CLIC1: variants seen among roughly 807,000 people sequenced by gnomAD.
CLIC1 encodes CLIC family member 1.
A neutral mutation model predicts 26.4 loss-of-function variants in CLIC1; 16 were observed. That is an observed-to-expected ratio of 0.61 (90% confidence interval 0.41 to 0.92). CLIC1 has a LOEUF of 0.92. Ranked by LOEUF, CLIC1 falls within the 40% of genes least tolerant of loss-of-function variation. CLIC1 has a pLI of 0.00. For synonymous variants in CLIC1, 98 were observed against 120.8 expected (o/e 0.81, Z 1.24); for missense variants, 225 against 289.7 (o/e 0.78, Z 1.62).
rs1172401937 is a variant in CLIC1 at position 31,732,581 on chromosome 6, C to T, written c.383-183G>A. Among the ~76,000 whole-genome samples the T allele has an allele frequency of 1.3e-5, 2 of 151,974 alleles. No individual in the cohort carries two copies. Among genetic ancestry groups the T allele is most frequent in the Admixed American group, 6.5e-5 (1 of 15,268 alleles). ...TTTTATGTTAGACGGAGTCTTGCTCCGTTGCCCAGGCTGGAGTGCAGTGGC... is the reference window on the plus strand; with the variant it reads ...TTTTATGTTAGACGGAGTCTTGCTCTGTTGCCCAGGCTGGAGTGCAGTGGC... On this transcript the variant is annotated intron_variant, in intron 4 of 5. Transcript: ENST00000375784. The surrounding 1 kb of genome is among the most constrained non-coding windows in gnomAD (Gnocchi z 5.0).
chr6:31,732,493 T>C lies in CLIC1; in HGVS notation c.383-95A>G. ...GTGGATACTAATGGTGAGTCCAAAA[T>C]AATAATAGCTAACACTCATGTAGTT... On this transcript the variant is annotated intron_variant, in intron 4 of 5. Transcript: ENST00000375784. The surrounding 1 kb of genome is among the most constrained non-coding windows in gnomAD (Gnocchi z 5.0). The C allele has an allele frequency of 1.4e-6, 1 of 726,490 alleles. No individual in the cohort carries two copies. The highest frequency in any genetic ancestry group is 3.2e-5 in the Admixed American group (1 of 31,192). The allele number at this position is 726,490 out of a possible 1,614,324, so 45.0% of individuals were successfully genotyped here. A position where few individuals can be genotyped will look rare whatever the true frequency, so the allele number is the denominator to read the frequency against.
Position 31,730,982 on chromosome 6 carries a change from C to G in CLIC1, c.586G>C (p.Gly196Arg), listed in dbSNP as rs1217745238. 1 of 1,612,728 alleles carries G rather than the reference C, an allele frequency of 6.2e-7. No homozygotes were observed. The highest frequency in any genetic ancestry group is 1.3e-5 in the African/African-American group (1 of 74,902). Residue 196 changes from glycine (G) to arginine (R), a missense_variant, in exon 6 of 6, where the codon GGA (glycine) becomes CGA (arginine). Gly to Arg is a moderately radical substitution (Grantham distance 125, BLOSUM62 -2). Coordinates refer to ENST00000375784, the Ensembl canonical transcript of CLIC1. This position sits in a 1 kb window ranked among gnomAD's most constrained non-coding sequence, Gnocchi z 5.1. Reference sequence around the variant, plus strand: ...CGGAAGGCCTCGGGGATGGTGAATCCCCGGTACTTCTTACACACCACCTGA... The same window carrying G: ...CGGAAGGCCTCGGGGATGGTGAATCGCCGGTACTTCTTACACACCACCTGA...
chr6:31,735,009 G>A (rs1179859340), intron 1 of CLIC1, among the ~76,000 whole-genome samples: 1 of 151,876 alleles, frequency 6.6e-6, no homozygotes, highest in Non-Finnish European at 1.5e-5. Context: ...GAATCTCTGC[G>A]GCACAGCCTC....
Position 31,734,245 on chromosome 6 carries a change from T to C in CLIC1, c.58A>G (p.Lys20Glu). 6.2e-7 allele frequency: 1 copy of C among 1,614,156 alleles called. No homozygotes were observed. Among genetic ancestry groups the C allele is most frequent in the Non-Finnish European group, 8.5e-7 (1 of 1,179,994 alleles). ...TGGGAGAATGGGCAGTTCCCAATCT[T>C]GGCCCCATCACTGCCAGCCTGAAAA... The change falls in exon 2 of 6, where the codon AAG becomes GAG. Residue 20 changes from lysine to glutamate, a missense_variant. Transcript: ENST00000375784. This position sits in a 1 kb window ranked among gnomAD's most constrained non-coding sequence, Gnocchi z 5.3.
In CLIC1 at chr6:31,734,218, T is replaced by A; in HGVS notation, c.85A>T (p.Arg29Ter). The change falls in exon 2 of 6, where the codon AGA becomes TGA. Residue 29 changes from arginine to a stop codon, truncating the protein, a stop_gained. Coordinates refer to ENST00000375784, the Ensembl canonical transcript of CLIC1. LOFTEE classifies it high-confidence loss of function. This position sits in a 1 kb window ranked among gnomAD's most constrained non-coding sequence, Gnocchi z 5.3. ...TTGAGCCACAGTACCATGAACAGTCTCTGGGAGAATGGGCAGTTCCCAATC... is the reference window on the plus strand; with the variant it reads ...TTGAGCCACAGTACCATGAACAGTCACTGGGAGAATGGGCAGTTCCCAATC... The A allele has an allele frequency of 6.2e-7, 1 of 1,614,190 alleles. No homozygotes were observed. Among genetic ancestry groups the A allele is most frequent in the Non-Finnish European group, 8.5e-7 (1 of 1,180,030 alleles).
At chr6:31,731,234 CCA>C (rs1807913061) in intron 5 of CLIC1, among the ~76,000 whole-genome samples, 3 of 152,232 alleles carry the variant, frequency 2.0e-5, no homozygotes, top group African/African-American at 4.8e-5. Flanking sequence ...TCTTGAATTT[CCA>C]CAGTGACTTT....
rs1340180594 is a variant in CLIC1, at chr6:31,733,140, A to T, written c.382+426T>A. Among the ~76,000 whole-genome samples the T allele has an allele frequency of 6.7e-6, 1 of 150,150 alleles. No homozygotes were observed. Among genetic ancestry groups the T allele is most frequent in the Non-Finnish European group, 1.5e-5 (1 of 67,498 alleles). On this transcript the variant is annotated intron_variant, in intron 4 of 5. Transcript: ENST00000375784. This position sits in a 1 kb window ranked among gnomAD's most constrained non-coding sequence, Gnocchi z 5.4. ...ATCTCAAAAAAAAAGAAAAAAAAAAATTTATATCAACCCATGAAATAGGTA... is the reference window on the plus strand; with the variant it reads ...ATCTCAAAAAAAAAGAAAAAAAAAATTTTATATCAACCCATGAAATAGGTA...
upstream of CLIC1, chr6:31,736,696 G>A (rs1417533349): frequency 1.4e-5 from 15 of 1,057,576 alleles, no homozygotes; most frequent in Admixed American, 9.7e-5. This position sits in a 1 kb window ranked among gnomAD's most constrained non-coding sequence, Gnocchi z 5.0. Context: ...TTGTTTCTCC[G>A]ACCTCTCCTG....
chr6:31,734,398 C>A lies in CLIC1; in HGVS notation c.40-135G>T. Reference sequence around the variant, plus strand: ...ATACACTGTCCCCTCACTATGGGCTCTTTGCCCTTGGGCCTGGGTCAAACC... The same window carrying A: ...ATACACTGTCCCCTCACTATGGGCTATTTGCCCTTGGGCCTGGGTCAAACC... On this transcript the variant is annotated intron_variant, in intron 1 of 5. Coordinates refer to ENST00000375784, the Ensembl canonical transcript of CLIC1. This position sits in a 1 kb window ranked among gnomAD's most constrained non-coding sequence, Gnocchi z 5.3. The A allele has an allele frequency of 1.4e-6, 1 of 693,370 alleles. No individual in the cohort carries two copies. 43.0% of individuals were successfully genotyped at this position (693,370 alleles called of 1,614,324 possible).
At chr6:31,735,277 C>T (rs1562200625) in intron 1 of CLIC1, among the ~76,000 whole-genome samples, 1 of 151,352 alleles carries the variant, frequency 6.6e-6, no homozygotes, top group South Asian at 2.1e-4. Flanking sequence ...GAGACACAAA[C>T]GGAGCGGGGA....
rs9281564 is a variant in CLIC1 at position 31,735,807 on chromosome 6, CCACACACA to C, written c.39+447_39+454del. ...ACCGTCTTCCCTGAAGCGTCTCCAT[CCACACACA>C]CACACACACACACACACACACACAC... On this transcript the variant is annotated intron_variant, in intron 1 of 5. Transcript: ENST00000375784. Among the ~76,000 whole-genome samples the C allele has an allele frequency of 7.5e-3, 938 of 124,972 alleles. 8 individuals carry two copies. Among genetic ancestry groups the C allele is most frequent in the African/African-American group, 0.018 (603 of 32,602 alleles). The allele number at this position is 124,972 out of a possible 152,430, so 82.0% of individuals were successfully genotyped here.
rs9281564 is a variant in CLIC1 at position 31,735,807 on chromosome 6, C to CCACACACACACACACACA, written c.39+437_39+454dup. Among the ~76,000 whole-genome samples the CCACACACACACACACACA allele has an allele frequency of 4.0e-4, 50 of 124,976 alleles. No individual in the cohort carries two copies. In the East Asian group the frequency reaches 0.01, roughly 25 times the overall value. 82.0% of individuals were successfully genotyped at this position (124,976 alleles called of 152,430 possible). A position where few individuals can be genotyped will look rare whatever the true frequency, so the allele number is the denominator to read the frequency against. ...ACCGTCTTCCCTGAAGCGTCTCCAT[C>CCACACACACACACACACA]CACACACACACACACACACACACAC... is the stretch of plus-strand genomic sequence containing the variant. On this transcript the variant is annotated intron_variant, in intron 1 of 5. Coordinates refer to ENST00000375784, the Ensembl canonical transcript of CLIC1.
At chr6:31,731,768 T>C (rs547656151) in intron 5 of CLIC1, among the ~76,000 whole-genome samples, 5 of 152,360 alleles carry the variant, frequency 3.3e-5, no homozygotes, top group African/African-American at 1.2e-4. Flanking sequence ...GTCAGGCCCA[T>C]GTTGCACAAA....
In CLIC1 at chr6:31,734,003, G is replaced by C; in HGVS notation, c.150-42C>G. ...GAATCAGGACTGGAAATGGGGGTCA[G>C]GAAGAACCAGAAAGGGGGAATGGAG... On this transcript the variant is annotated intron_variant, in intron 2 of 5. Transcript: ENST00000375784. The surrounding 1 kb of genome is among the most constrained non-coding windows in gnomAD (Gnocchi z 5.3). 1 of 1,605,218 alleles carries C rather than the reference G, an allele frequency of 6.2e-7. No individual in the cohort carries two copies. Among genetic ancestry groups the C allele is most frequent in the Non-Finnish European group, 8.5e-7 (1 of 1,174,196 alleles).
chr6:31,735,824 C>CACACACAG (rs1808294757), intron 1 of CLIC1, among the ~76,000 whole-genome samples: 1 of 150,612 alleles, frequency 6.6e-6, no homozygotes, highest in Non-Finnish European at 1.5e-5. Flanking sequence ...CACACACACA[C>CACACACAG]ACACACACAC....
chr6:31,731,863 T>C (rs1807980407), intron 5 of CLIC1, among the ~76,000 whole-genome samples: 1 of 152,228 alleles, frequency 6.6e-6, no homozygotes, highest in South Asian at 2.1e-4. Flanking sequence ...ACTGAAGTTA[T>C]AAAGAAAGTT....
chr6:31,730,618 T>G lies in CLIC1; in HGVS notation c.*224A>C. On this transcript the variant is annotated 3_prime_UTR_variant, in exon 6 of 6. Coordinates refer to ENST00000375784, the Ensembl canonical transcript of CLIC1. The surrounding 1 kb of genome is among the most constrained non-coding windows in gnomAD (Gnocchi z 5.1). ...ACTTGATTTTTATTCTGTATTTTATTACTGAAATATGTTGTCCTACTCATC... is the reference window on the plus strand; with the variant it reads ...ACTTGATTTTTATTCTGTATTTTATGACTGAAATATGTTGTCCTACTCATC... 1 of 548,540 alleles carries G rather than the reference T, an allele frequency of 1.8e-6. No homozygotes were observed. Among genetic ancestry groups the G allele is most frequent in the Admixed American group, 3.2e-5 (1 of 31,042 alleles). 34.0% of individuals were successfully genotyped at this position (548,540 alleles called of 1,614,324 possible). A position where few individuals can be genotyped will look rare whatever the true frequency, so the allele number is the denominator to read the frequency against.
In CLIC1 at chr6:31,734,177, A is replaced by T; in HGVS notation, c.126T>A (p.Asn42Lys). Residue 42 changes from asparagine (N) to lysine (K), a missense_variant, in exon 2 of 6, where the codon AAT becomes AAA. Coordinates refer to ENST00000375784, the Ensembl canonical transcript of CLIC1. This position sits in a 1 kb window ranked among gnomAD's most constrained non-coding sequence, Gnocchi z 5.3. ...ACCTTTTGGTGTCAACGGTGGTAACATTGAAGGTGACTCCCTTGAGCCACA... is the reference window on the plus strand; with the variant it reads ...ACCTTTTGGTGTCAACGGTGGTAACTTTGAAGGTGACTCCCTTGAGCCACA... 6.2e-7 allele frequency: 1 copy of T among 1,613,802 alleles called. No individual in the cohort carries two copies.
In CLIC1 at chr6:31,732,127, CT is replaced by C; in HGVS notation, c.564+89del. On this transcript the variant is annotated intron_variant, in intron 5 of 5. Transcript: ENST00000375784. The surrounding 1 kb of genome is among the most constrained non-coding windows in gnomAD (Gnocchi z 5.0). ...AAAACCACCCTAAGAAAGAAATCGT[CT>C]TTAGAGTGGTTGTCAGGGGAAGCCC... 9.0e-7 allele frequency: 1 copy of C among 1,112,076 alleles called. No homozygotes were observed. The allele number at this position is 1,112,076 out of a possible 1,614,324, so 68.9% of individuals were successfully genotyped here. A position where few individuals can be genotyped will look rare whatever the true frequency, so the allele number is the denominator to read the frequency against.
Sources: allele counts gnomAD v4.1 joint callset (sites outside exome capture counted in the v4.1 genomes callset), GRCh38; gene constraint gnomAD v4.1.1; non-coding constraint Gnocchi (gnomAD v3.1); transcripts MANE v1.5; gene names NCBI Gene and HGNC (gene_info 2026-07-23, HGNC 2026-07-21).